SGCD: variants seen among roughly 807,000 people sequenced by gnomAD.
SGCD encodes sarcoglycan delta, also known as delta-sarcoglycan.
A neutral mutation model predicts 36.6 loss-of-function variants in SGCD; 18 were observed. The observed-to-expected ratio is 0.49, with a 90% CI of 0.34 to 0.73. The LOEUF is 0.73. Among genes scored for constraint, SGCD ranks in the 30% least tolerant of loss-of-function variants. SGCD has a pLI of 0.01. For synonymous variants in SGCD, 133 were observed against 130.6 expected (o/e 1.02, Z -0.12); for missense variants, 387 against 346.7 (o/e 1.12, Z -0.92).
At chr5:156,211,607 C>CAAA (rs75891963) in intron 3 of SGCD, among the ~76,000 whole-genome samples, 26 of 57,416 alleles carry the variant, frequency 4.5e-4, no homozygotes, top group Middle Eastern at 0.02. Flanking sequence ...GACTCAGACT[C>CAAA]AAAAAAAAAA....
intron 3 of SGCD, among the ~76,000 whole-genome samples, chr5:156,473,617 A>G (rs1192796741): frequency 1.3e-5 from 2 of 152,194 alleles, no homozygotes; most frequent in African/African-American, 4.8e-5. Context: ...GTTTTCTTTG[A>G]AAGAGATTGT....
At chr5:156,729,899 A>G (rs1755969689) in intron 7 of SGCD, among the ~76,000 whole-genome samples, 2 of 152,250 alleles carry the variant, frequency 1.3e-5, no homozygotes, top group African/African-American at 4.8e-5. Context: ...CAACAAAGGA[A>G]GTGCAAAAAT....
chr5:156,568,651 G>A (rs957098211), intron 4 of SGCD, among the ~76,000 whole-genome samples: 6 of 152,224 alleles, frequency 3.9e-5, no homozygotes, highest in African/African-American at 1.4e-4. Flanking sequence ...ATTGGGCCAT[G>A]TGCACTTGTA....
At chr5:156,138,669 C>A (rs1762512620) in intron 3 of SGCD, among the ~76,000 whole-genome samples, 1 of 152,238 alleles carries the variant, frequency 6.6e-6, no homozygotes, top group Admixed American at 6.5e-5. Context: ...GTGAGCATGT[C>A]TTTGTGTAGA....
intron 3 of SGCD, among the ~76,000 whole-genome samples, chr5:156,279,642 A>T (rs1766398711): frequency 6.6e-6 from 1 of 152,194 alleles, no homozygotes; most frequent in Non-Finnish European, 1.5e-5. Context: ...GGTTGGGAAA[A>T]GTGTTGGAAG....
At chr5:155,839,140 A>T in the SGCD span, among the ~76,000 whole-genome samples, 1 of 152,236 alleles carries the variant, frequency 6.6e-6, no homozygotes, top group Admixed American at 6.5e-5. Flanking sequence ...ATGTTTGAAG[A>T]TAAAAGAAAA....
In SGCD at chr5:156,516,357, A is replaced by T. The variant is rs117909579; in HGVS notation, c.294+7655A>T. ...GACAGCCGTCCTTGCTGTTCTGCAG[A>T]CTCCACTGGTGACACCTCCAGGTGC... is the stretch of plus-strand genomic sequence containing the variant. On this transcript the variant is annotated intron_variant, in intron 4 of 8. Coordinates refer to ENST00000337851, the MANE Select transcript of SGCD (RefSeq NM_000337.6). Among the ~76,000 whole-genome samples the T allele has an allele frequency of 0.012, 1,848 of 152,172 alleles. 91 individuals are homozygous for T. The East Asian group carries it at 0.17, about 14-fold the overall frequency.
At chr5:156,617,409 T>A (rs1762059677) in intron 6 of SGCD, among the ~76,000 whole-genome samples, 1 of 152,198 alleles carries the variant, frequency 6.6e-6, no homozygotes, top group Non-Finnish European at 1.5e-5. Context: ...ATGTGGAGGA[T>A]CATGGGGAAG....
At chr5:156,456,307 G>C (rs1011492517) in intron 3 of SGCD, among the ~76,000 whole-genome samples, 1 of 152,166 alleles carries the variant, frequency 6.6e-6, no homozygotes, top group African/African-American at 2.4e-5. Flanking sequence ...GAGAGCTGAA[G>C]AGACAGCATC....
intron 1 of SGCD, among the ~76,000 whole-genome samples, chr5:155,974,738 A>G (rs1758075429): frequency 6.6e-6 from 1 of 152,088 alleles, no homozygotes; most frequent in Admixed American, 6.5e-5. Flanking sequence ...TAAACAGCAC[A>G]GATGGCATGT....
chr5:156,560,804 C>G (rs1055610857), intron 4 of SGCD, among the ~76,000 whole-genome samples: 1 of 152,054 alleles, frequency 6.6e-6, no homozygotes, highest in African/African-American at 2.4e-5. Context: ...CTGTGTCCTG[C>G]CTGTGTTTTT....
At chr5:155,788,893 A>G in the SGCD span, among the ~76,000 whole-genome samples, 1 of 152,180 alleles carries the variant, frequency 6.6e-6, no homozygotes, top group East Asian at 1.9e-4. Context: ...AGTTCAGGCC[A>G]AGAGAACAGC....
intron 1 of SGCD, among the ~76,000 whole-genome samples, chr5:156,047,314 AC>A (rs1759792498): frequency 6.6e-6 from 1 of 152,174 alleles, no homozygotes; most frequent in African/African-American, 2.4e-5. Flanking sequence ...AGGTGGCTAT[AC>A]CCAACAACAG....
chr5:156,385,976 A>G (rs1026670018), intron 3 of SGCD, among the ~76,000 whole-genome samples: 2 of 152,236 alleles, frequency 1.3e-5, no homozygotes, highest in African/African-American at 2.4e-5. Flanking sequence ...CCCTAAGCAT[A>G]CAGTTAAAGT....
intron 7 of SGCD, among the ~76,000 whole-genome samples, chr5:156,741,904 C>T (rs567137646): frequency 6.7e-6 from 1 of 150,374 alleles, no homozygotes; most frequent in South Asian, 2.1e-4. Context: ...GAGACAGAGT[C>T]TTGCTTTGTT....
At chr5:155,730,230 G>A in the SGCD span, among the ~76,000 whole-genome samples, 1 of 152,148 alleles carries the variant, frequency 6.6e-6, no homozygotes, top group Non-Finnish European at 1.5e-5. Flanking sequence ...GACTTCAGGT[G>A]TGCCAAGTGC....
the SGCD span, among the ~76,000 whole-genome samples, chr5:155,803,158 A>G: frequency 8.5e-5 from 13 of 152,220 alleles, no homozygotes; most frequent in African/African-American, 7.2e-5. Flanking sequence ...GTTTGTGTCT[A>G]TCAGTCTGAT....
chr5:156,359,169 C>G (rs1769646626), intron 3 of SGCD, among the ~76,000 whole-genome samples: 1 of 152,138 alleles, frequency 6.6e-6, no homozygotes, highest in African/African-American at 2.4e-5. Context: ...ATAGTGAATA[C>G]AAATACTGTA....
intron 7 of SGCD, among the ~76,000 whole-genome samples, chr5:156,691,469 T>A (rs899295248): frequency 6.6e-6 from 1 of 152,104 alleles, no homozygotes; most frequent in Admixed American, 6.5e-5. Flanking sequence ...TTTTCTGTAA[T>A]AGTAATATTT....
Sources: gnomAD v4.1 joint callset for allele counts (sites outside exome capture counted in the v4.1 genomes callset) on GRCh38, gnomAD v4.1.1 for gene constraint, MANE v1.5 for transcripts, NCBI Gene and HGNC (gene_info 2026-07-23, HGNC 2026-07-21) for gene names.